Variants in CCT5 observed in about 807,000 individuals in gnomAD.
The protein encoded by CCT5 is T-complex protein 1 subunit epsilon.
A neutral mutation model predicts 55.0 loss-of-function variants in CCT5; 6 were observed. The ratio of observed to expected loss-of-function variants is 0.11; its 90% CI spans 0.06 to 0.22. The LOEUF (loss-of-function observed/expected upper bound fraction) is 0.22. Among genes scored for constraint, CCT5 ranks in the 10% least tolerant of loss-of-function variants. The pLI is 1.00. For synonymous variants in CCT5, 231 were observed against 243.7 expected, an observed-to-expected ratio of 0.95 and a Z score of 0.49; for missense variants, 560 against 694.6, an observed-to-expected ratio of 0.81 and a Z score of 2.18.
chr5:10,249,925 A>AAAC, upstream of CCT5: 2 of 1,027,750 alleles, frequency 1.9e-6, no homozygotes, highest in Non-Finnish European at 1.2e-6. Context: ...AAAAAAAAAA[A>AAAC]AAAAAAAAAC....
intron 10 of CCT5, 104 bp downstream of exon 10, chr5:10,263,418 T>C: frequency 1.8e-6 from 2 of 1,097,210 alleles, no homozygotes; most frequent in Admixed American, 2.0e-5. Flanking sequence ...TTTTTAAATA[T>C]GTAAGCCCAC....
In CCT5 at chr5:10,258,108, CAG is replaced by C; in HGVS notation, c.531-2_531-1del. The C allele has an allele frequency of 1.9e-6, 3 of 1,613,924 alleles. No homozygotes were observed. Among genetic ancestry groups the C allele is most frequent in the Non-Finnish European group, 2.5e-6 (3 of 1,179,972 alleles). ...GAAGTTTGTTTTGTGGTGTTTTCCT[CAG>C]GGTCAACAGTTGTCACCGACAGATG... is the stretch of plus-strand genomic sequence containing the variant. On this transcript the variant is annotated splice_acceptor_variant, in intron 4 of 10. Coordinates refer to ENST00000280326, the MANE Select transcript of CCT5 (RefSeq NM_012073.5). LOFTEE classifies it high-confidence loss of function.
intron 1 of CCT5, 173 bp downstream of exon 1, chr5:10,250,618 C>T: frequency 2.1e-6 from 3 of 1,437,110 alleles, no homozygotes; most frequent in Non-Finnish European, 2.7e-6. Context: ...TCGGGAGACG[C>T]CGGCGCCTAA....
chr5:10,262,821 G>A (rs1746031906), intron 9 of CCT5, among the ~76,000 whole-genome samples: 1 of 152,188 alleles, frequency 6.6e-6, no homozygotes, highest in Non-Finnish European at 1.5e-5. Flanking sequence ...GCTGTTTTCA[G>A]CCAGTTCGTC....
At position 10,266,192 on chromosome 5, in the gene CCT5, T is replaced by C. The variant is rs1746224020; in HGVS notation, c.*1409T>C. 1 of 152,352 alleles carries C rather than the reference T, an allele frequency of 6.6e-6. No homozygotes were observed. Among genetic ancestry groups the C allele is most frequent in the East Asian group, 1.9e-4 (1 of 5,188 alleles). 9.4% of individuals were successfully genotyped at this position (152,352 alleles called of 1,614,324 possible). A position where few individuals can be genotyped will look rare whatever the true frequency, so the allele number is the denominator to read the frequency against. On this transcript the variant is annotated 3_prime_UTR_variant, in exon 11 of 11. Coordinates refer to ENST00000280326, the MANE Select transcript of CCT5 (RefSeq NM_012073.5). ...ACAGAGAACATACAGCAGCCTTCTT[T>C]GGACCACAGTCTTATCCGAGGGGTC...
chr5:10,253,752 C>T (rs1356027379), intron 1 of CCT5, among the ~76,000 whole-genome samples: 1 of 152,154 alleles, frequency 6.6e-6, no homozygotes, highest in Non-Finnish European at 1.5e-5. Context: ...CCCATGGATG[C>T]TCAGGGAGAA....
rs541719591 is a variant in CCT5 at position 10,257,108 on chromosome 5, G to A, written c.530+955G>A. On this transcript the variant is annotated intron_variant, in intron 4 of 10. Transcript: ENST00000280326. ...ATGTTTTCAATTGTGTGCTTGTGGT[G>A]GTTTTAGCAAAAAGGAATGAGGGAT... is the stretch of plus-strand genomic sequence containing the variant. Among the ~76,000 whole-genome samples the A allele has an allele frequency of 3.3e-5, 5 of 152,232 alleles. No individual in the cohort carries two copies. The East Asian group carries it at 9.6e-4, about 29-fold the overall frequency.
At position 10,265,020 on chromosome 5, in the gene CCT5, TC is replaced by T. The variant is rs1362235470; in HGVS notation, c.*238del. ...AAAGAATCTGTTTAAACAACCTTTA[TC>T]TTCTCTTCGGGTTTAAGAAACGTTT... On this transcript the variant is annotated 3_prime_UTR_variant, in exon 11 of 11. Transcript: ENST00000280326. 1 of 478,428 alleles carries T rather than the reference TC, an allele frequency of 2.1e-6. No homozygotes were observed. Among genetic ancestry groups the T allele is most frequent in the Non-Finnish European group, 3.7e-6 (1 of 269,286 alleles). The allele number at this position is 478,428 out of a possible 1,614,324, so 29.6% of individuals were successfully genotyped here.
intron 1 of CCT5, among the ~76,000 whole-genome samples, chr5:10,252,463 G>C (rs1745470152): frequency 7.0e-6 from 1 of 143,448 alleles, no homozygotes; most frequent in Admixed American, 6.6e-5. Flanking sequence ...AAAAATGCAG[G>C]CATTGACTGG....
chr5:10,255,346 G>A (rs2578615), intron 3 of CCT5, among the ~76,000 whole-genome samples: 113,350 of 151,620 alleles, frequency 0.75, 44,190 homozygotes, highest in East Asian at 0.87. Context: ...ACTGGTATTC[G>A]TTTTAGTATT....
chr5:10,264,497 T>C, intron 10 of CCT5, 159 bp from the exon 11 acceptor site: 1 of 649,110 alleles, frequency 1.5e-6, no homozygotes, highest in Non-Finnish European at 2.8e-6. Context: ...ATTACATTCA[T>C]CTGAAAATGA....
In CCT5 at chr5:10,264,736, A is replaced by G; in HGVS notation, c.1579A>G (p.Ile527Val). Reference sequence around the variant, plus strand: ...TCTTGCAACACAAATGGTTAGAATGATTTTGAAGATTGATGACATTCGTAA... The same window carrying G: ...TCTTGCAACACAAATGGTTAGAATGGTTTTGAAGATTGATGACATTCGTAA... ...ISLATQMVRM[I>V]LKIDDIRKPG... The change falls in exon 11 of 11, where the codon ATT becomes GTT. Residue 527 changes from isoleucine (I) to valine (V), a missense_variant. Ile to Val is a conservative substitution (Grantham distance 29). Around this residue, in one of 4 missense-constraint regions of CCT5, gnomAD observed 115 missense variants for 105.0 expected, o/e 1.10. Coordinates refer to ENST00000280326, the MANE Select transcript of CCT5 (RefSeq NM_012073.5). 6.2e-7 allele frequency: 1 copy of G among 1,613,676 alleles called. No homozygotes were observed. The highest frequency in any genetic ancestry group is 1.7e-5 in the Admixed American group (1 of 60,028).
In CCT5 at chr5:10,260,680, T is replaced by C. The variant is rs369586963; in HGVS notation, c.874-112T>C. On this transcript the variant is annotated intron_variant, in intron 6 of 10. Transcript: ENST00000280326. ...CTTCCTTCTCTTTCCTTTGCTTTTGTGTTTGAGTGCACCTGCCTTACACCC... is the reference window on the plus strand; with the variant it reads ...CTTCCTTCTCTTTCCTTTGCTTTTGCGTTTGAGTGCACCTGCCTTACACCC... 7 of 1,114,664 alleles carry C rather than the reference T, an allele frequency of 6.3e-6. No individual in the cohort carries two copies. In the African/African-American group the frequency reaches 7.7e-5, roughly 12 times the overall value. The allele number at this position is 1,114,664 out of a possible 1,614,324, so 69.0% of individuals were successfully genotyped here. A position where few individuals can be genotyped will look rare whatever the true frequency, so the allele number is the denominator to read the frequency against.
intron 7 of CCT5, chr5:10,261,274 G>C (rs3903440): frequency 9.9e-6 from 5 of 504,970 alleles, no homozygotes; most frequent in African/African-American, 9.7e-5. Context: ...TGGGTTCCCA[G>C]AGTGAGGGAG....
At chr5:10,260,751 C>A (rs1005379053) in intron 6 of CCT5, 41 bp from the exon 7 acceptor site, 2 of 1,608,226 alleles carry the variant, frequency 1.2e-6, no homozygotes, top group Non-Finnish European at 8.5e-7. Context: ...AGAATAAATA[C>A]CCACTTTCTC....
At chr5:10,252,614 CA>C (rs35768596) in intron 1 of CCT5, among the ~76,000 whole-genome samples, 65 of 119,922 alleles carry the variant, frequency 5.4e-4, no homozygotes, top group African/African-American at 1.3e-3. Flanking sequence ...GACTCCGTCT[CA>C]AAAAAAAAAA....
Position 10,261,638 on chromosome 5 carries a change from C to T in CCT5, c.1072C>T (p.Leu358Phe), listed in dbSNP as rs777440322. 8 of 1,614,112 alleles carry T rather than the reference C, an allele frequency of 5.0e-6. No individual in the cohort carries two copies. The Admixed American group carries it at 1.3e-4, about 27-fold the overall frequency. The change falls in exon 8 of 11, where the codon CTT becomes TTT. Residue 358 changes from leucine (L) to phenylalanine (F), a missense_variant. Leu to Phe is a conservative substitution (Grantham distance 22, BLOSUM62 0). Coordinates refer to ENST00000280326, the MANE Select transcript of CCT5 (RefSeq NM_012073.5). The stretch of plus-strand genomic sequence containing the variant: ...AGCCGAGAAGCTGGGCTTTGCTGGT[C>T]TTGTACAGGAGATCTCATTTGGGAC... ...LTAEKLGFAG[L>F]VQEISFGTTK...
upstream of CCT5, chr5:10,250,015 C>A: frequency 8.5e-6 from 13 of 1,536,672 alleles, no homozygotes; most frequent in South Asian, 2.4e-5. Flanking sequence ...TGAATTCCTC[C>A]TTGGGACCCA....
chr5:10,250,217 T>C (rs770290298), upstream of CCT5: 1 of 1,557,708 alleles, frequency 6.4e-7, no homozygotes, highest in African/African-American at 1.4e-5. Context: ...AGTAGAAACA[T>C]AAGTCCCGCG....
Sources: allele counts gnomAD v4.1 joint callset (sites outside exome capture counted in the v4.1 genomes callset), GRCh38; gene constraint gnomAD v4.1.1; regional missense constraint gnomAD v4.1.1; transcripts MANE v1.5; gene names NCBI Gene and HGNC (gene_info 2026-07-23, HGNC 2026-07-21).